The following NEB variants were observed in gnomAD, a reference collection of about 807,000 sequenced individuals.
The protein encoded by NEB is nebulin.
NEB carries 512 observed loss-of-function variants against 952.2 expected under a neutral mutation model. That is an observed-to-expected ratio of 0.54 (90% CI 0.50 to 0.58). The LOEUF (loss-of-function observed/expected upper bound fraction) is 0.58, where lower values mean the gene tolerates loss of function less well. Among genes scored for constraint, NEB ranks in the 20% least tolerant of loss-of-function variants. The pLI is 0.00. For synonymous variants in NEB, 2,900 were observed against 3,149.8 expected (o/e 0.92, Z 2.66); for missense variants, 8,428 against 9,231.1 (o/e 0.91, Z 3.56).
chr2:151,494,219 G>A lies in NEB; in HGVS notation c.24521C>T (p.Ala8174Val), dbSNP rs756041236. The A allele has an allele frequency of 3.1e-6, 5 of 1,606,366 alleles. No homozygotes were observed. Among genetic ancestry groups the A allele is most frequent in the Admixed American group, 1.7e-5 (1 of 59,254 alleles). The change falls in exon 174 of 182, where the codon GCA (alanine) becomes GTA (valine). Residue 8174 changes from alanine (A) to valine (V), a missense_variant. Around this residue, in one of 11 missense-constraint regions of NEB, gnomAD observed 3,374 missense variants for 3,651.5 expected, o/e 0.92. Coordinates refer to ENST00000397345, the MANE Select transcript of NEB (RefSeq NM_001164508.2). ...CTGCATCTCAGGAGTGACAGGGGTT[G>A]CGGTGGCTTTCCCCACATTTTCTTT... ...LYKENVGKAT[A>V]TPVTPEMQRV...
At chr2:151,551,051 T>C (rs2095297671) in intron 129 of NEB, among the ~76,000 whole-genome samples, 1 of 151,634 alleles carries the variant, frequency 6.6e-6, no homozygotes, top group African/African-American at 2.4e-5. Context: ...CACTGCAACC[T>C]CCGCCCCCTG....
intron 118 of NEB, 40 bp from the exon 119 acceptor site, chr2:151,563,759 C>A: frequency 6.2e-7 from 1 of 1,605,480 alleles, no homozygotes; most frequent in Non-Finnish European, 8.5e-7. Flanking sequence ...CTGGAGTTTC[C>A]TAACCAGCCC....
Position 151,650,571 on chromosome 2 carries a change from G to T in NEB, c.7227+3C>A. 6.4e-7 allele frequency: 1 copy of T among 1,553,544 alleles called. No homozygotes were observed. Among genetic ancestry groups the T allele is most frequent in the Non-Finnish European group, 8.7e-7 (1 of 1,153,824 alleles). On this transcript the variant is annotated splice_donor_region_variant and intron_variant, in intron 53 of 181. Coordinates refer to ENST00000397345, the MANE Select transcript of NEB (RefSeq NM_001164508.2). ...TAAACTATTGGATTTAATAGAAACTGACCTCACTTTGCAGTTCATAAACTT... is the reference window on the plus strand; with the variant it reads ...TAAACTATTGGATTTAATAGAAACTTACCTCACTTTGCAGTTCATAAACTT...
intron 60 of NEB, among the ~76,000 whole-genome samples, chr2:151,641,269 T>G (rs2098843324): frequency 6.6e-6 from 1 of 152,258 alleles, no homozygotes; most frequent in Non-Finnish European, 1.5e-5. Context: ...TCTTTTCAGT[T>G]ATTATATAAG....
At chr2:151,631,771 A>G (rs2098672332) in intron 65 of NEB, among the ~76,000 whole-genome samples, 1 of 152,240 alleles carries the variant, frequency 6.6e-6, no homozygotes, top group African/African-American at 2.4e-5. Context: ...TATTTATGAC[A>G]TGTAGAAATG....
chr2:151,667,070 T>A (rs2099228481), intron 40 of NEB, among the ~76,000 whole-genome samples: 1 of 152,062 alleles, frequency 6.6e-6, no homozygotes, highest in South Asian at 2.1e-4. Flanking sequence ...TCCTGTTATG[T>A]AATTAACTAA....
chr2:151,630,920 C>G (rs2098655341), intron 66 of NEB, 101 bp from the exon 67 acceptor site: 1 of 1,219,198 alleles, frequency 8.2e-7, no homozygotes. Context: ...GAAAAATAAG[C>G]CAGACTTGAA....
chr2:151,531,308 C>CTTTTTTTTT (rs1159075000), intron 144 of NEB, among the ~76,000 whole-genome samples: 3 of 84,010 alleles, frequency 3.6e-5, no homozygotes, highest in Non-Finnish European at 6.6e-5. Flanking sequence ...TTTTTTCTTT[C>CTTTTTTTTT]TTTTTTTTTT....
chr2:151,619,014 C>T (rs1159292215), intron 73 of NEB, among the ~76,000 whole-genome samples: 5 of 152,198 alleles, frequency 3.3e-5, no homozygotes, highest in East Asian at 3.9e-4. Context: ...TTTCGAAAAA[C>T]GTAAGAATGA....
rs1443311421 is a variant in NEB at position 151,565,558 on chromosome 2, A to G, written c.18309T>C (p.Ser6103=). Residue 6103 remains serine (S), a synonymous_variant, in exon 116 of 182, where the codon AGT becomes AGC. Coordinates refer to ENST00000397345, the MANE Select transcript of NEB (RefSeq NM_001164508.2). Reference sequence around the variant, plus strand: ...AAACAATCTCTGGAGGATCCACCACACTTCTAAAGTTAGGATAGTTTTCAA... The same window carrying G: ...AAACAATCTCTGGAGGATCCACCACGCTTCTAAAGTTAGGATAGTTTTCAA... ...NALENYPNFR[S]VVDPPEIVLA... is the part of the protein sequence containing the mutation. 6.2e-7 allele frequency: 1 copy of G among 1,603,068 alleles called. No homozygotes were observed. Among genetic ancestry groups the G allele is most frequent in the Non-Finnish European group, 8.5e-7 (1 of 1,170,848 alleles).
intron 10 of NEB, among the ~76,000 whole-genome samples, chr2:151,713,677 G>T (rs898885853): frequency 3.3e-5 from 5 of 152,232 alleles, no homozygotes; most frequent in Middle Eastern, 3.4e-3. Flanking sequence ...CGCATTCAGG[G>T]CCCCACTTTC....
At chr2:151,655,419 A>G (rs1482400568) in intron 50 of NEB, 45 bp from the exon 51 acceptor site, 1 of 1,123,834 alleles carries the variant, frequency 8.9e-7, no homozygotes, top group East Asian at 2.5e-5. Context: ...TAACTGGGAC[A>G]AGCAGGAAAG....
intron 60 of NEB, among the ~76,000 whole-genome samples, chr2:151,642,021 T>A (rs2098865841): frequency 6.6e-6 from 1 of 152,230 alleles, no homozygotes; most frequent in African/African-American, 2.4e-5. Flanking sequence ...TGTCCATGTG[T>A]TCTCATTGTT....
chr2:151,624,715 C>T (rs2098485035), intron 71 of NEB, among the ~76,000 whole-genome samples: 2 of 152,048 alleles, frequency 1.3e-5, no homozygotes, highest in Non-Finnish European at 2.9e-5. Flanking sequence ...GACAACTCTG[C>T]CTTCCTTTTT....
At chr2:151,673,829 G>A (rs1431509499) in intron 36 of NEB, among the ~76,000 whole-genome samples, 1 of 149,858 alleles carries the variant, frequency 6.7e-6, no homozygotes, top group Admixed American at 6.7e-5. Context: ...CGCCTCCCGG[G>A]TTCACGCCAT....
intron 151 of NEB, among the ~76,000 whole-genome samples, 197 bp downstream of exon 151, chr2:151,524,966 G>A (rs568146843): frequency 3.9e-5 from 6 of 151,998 alleles, no homozygotes; most frequent in South Asian, 4.2e-4. Context: ...ACGCCCAGCC[G>A]AGATATGCTA....
At chr2:151,533,398 A>C in intron 143 of NEB, 44 bp downstream of exon 143, 1 of 1,333,368 alleles carries the variant, frequency 7.5e-7, no homozygotes, top group East Asian at 2.5e-5. Flanking sequence ...AATGCATCCA[A>C]GACTTCTTCT....
intron 9 of NEB, among the ~76,000 whole-genome samples, chr2:151,720,694 C>T (rs2099771802): frequency 6.6e-6 from 1 of 152,172 alleles, no homozygotes; most frequent in South Asian, 2.1e-4. Flanking sequence ...CTCTCCCAGG[C>T]TTACATGACA....
chr2:151,731,978 A>T (rs2099810353), intron 3 of NEB, among the ~76,000 whole-genome samples: 1 of 152,160 alleles, frequency 6.6e-6, no homozygotes, highest in African/African-American at 2.4e-5. Flanking sequence ...TTTTTCCCTC[A>T]TATCCTTCAG....
Sources: gnomAD v4.1 joint callset for allele counts (sites outside exome capture counted in the v4.1 genomes callset) on GRCh38, gnomAD v4.1.1 for gene constraint, gnomAD v4.1.1 regional missense constraint, MANE v1.5 for transcripts, NCBI Gene and HGNC (gene_info 2026-07-23, HGNC 2026-07-21) for gene names.